The following DIP2B variants were observed in gnomAD, a reference collection of about 807,000 sequenced individuals.
DIP2B encodes the protein disco-interacting protein 2 homolog B.
Under a neutral mutation model 198.0 loss-of-function variants are expected in DIP2B, and 76 were observed. The observed-to-expected ratio is 0.38, with a 90% CI of 0.32 to 0.46. The LOEUF is 0.46. Ranked by LOEUF, DIP2B falls within the 20% of genes least tolerant of loss-of-function variation. DIP2B has a pLI of 0.99. For missense variants in DIP2B, 1,559 were observed against 1,978.4 expected (o/e 0.79, Z 4.02); for synonymous variants, 701 against 739.1 (o/e 0.95, Z 0.84).
intron 1 of DIP2B, among the ~76,000 whole-genome samples, chr12:50,518,139 G>A (rs530102524): frequency 6.6e-6 from 1 of 152,082 alleles, no homozygotes; most frequent in East Asian, 1.9e-4. Flanking sequence ...TTCCCATAAG[G>A]TAGCATTCTG....
At position 50,683,177 on chromosome 12, in the gene DIP2B, A is replaced by G; in HGVS notation, c.1246A>G (p.Met416Val). 6.2e-7 allele frequency: 1 copy of G among 1,612,918 alleles called. No homozygotes were observed. The highest frequency in any genetic ancestry group is 1.1e-5 in the South Asian group (1 of 90,628). The change falls in exon 10 of 38, where the codon ATG becomes GTG. Residue 416 changes from methionine (M) to valine (V), a missense_variant. Physicochemically the swap from Met to Val is conservative, Grantham distance 21. Coordinates refer to ENST00000301180, the MANE Select transcript of DIP2B (RefSeq NM_173602.3). ...CCCCAACAATGATCCAGTCATGTTTATGGTGGCTTTCTATGGATGCCTCCT... is the reference window on the plus strand; with the variant it reads ...CCCCAACAATGATCCAGTCATGTTTGTGGTGGCTTTCTATGGATGCCTCCT... ...VYPNNDPVMF[M>V]VAFYGCLLAE...
Position 50,719,176 on chromosome 12 carries a change from A to G in DIP2B, c.3042+141A>G, listed in dbSNP as rs1158735654. On this transcript the variant is annotated intron_variant, in intron 25 of 37. Coordinates refer to ENST00000301180, the MANE Select transcript of DIP2B (RefSeq NM_173602.3). ...AATGGCTTTCTCCTTGCTTTGGCAT[A>G]TGAGGGTAAACTGTGCAATCACTTT... 5 of 856,816 alleles carry G rather than the reference A, an allele frequency of 5.8e-6. No individual in the cohort carries two copies. The East Asian group carries it at 8.0e-5, about 14-fold the overall frequency. 53.1% of individuals were successfully genotyped at this position (856,816 alleles called of 1,614,324 possible).
intron 2 of DIP2B, among the ~76,000 whole-genome samples, chr12:50,633,753 G>A (rs1165040514): frequency 1.3e-5 from 2 of 152,132 alleles, no homozygotes; most frequent in African/African-American, 4.8e-5. Context: ...TTGACAGAGC[G>A]AGACCCTGTC....
At chr12:50,671,588 C>G (rs1488481407) in intron 5 of DIP2B, among the ~76,000 whole-genome samples, 190 bp downstream of exon 5, 1 of 152,188 alleles carries the variant, frequency 6.6e-6, no homozygotes, top group East Asian at 1.9e-4. Context: ...ATAGATAACA[C>G]CTGCATTATT....
intron 1 of DIP2B, among the ~76,000 whole-genome samples, chr12:50,562,969 A>T (rs1189228998): frequency 2.0e-5 from 3 of 152,206 alleles, no homozygotes; most frequent in Non-Finnish European, 4.4e-5. Flanking sequence ...CCAATATCTC[A>T]GTTGGCTTAG....
chr12:50,589,246 T>C (rs920341413), intron 1 of DIP2B, among the ~76,000 whole-genome samples: 24 of 151,048 alleles, frequency 1.6e-4, no homozygotes, highest in African/African-American at 5.6e-4. Context: ...TTGTTTTTTT[T>C]TTTTTTGAGA....
intron 1 of DIP2B, among the ~76,000 whole-genome samples, chr12:50,520,249 G>T (rs1215004160): frequency 6.6e-6 from 1 of 151,968 alleles, no homozygotes; most frequent in African/African-American, 2.4e-5. Flanking sequence ...TGTTGGCCAG[G>T]CTGGTCTCAA....
intron 1 of DIP2B, among the ~76,000 whole-genome samples, chr12:50,545,002 A>G (rs902988874): frequency 6.6e-6 from 1 of 152,128 alleles, no homozygotes; most frequent in African/African-American, 2.4e-5. Flanking sequence ...AAGATGGGAG[A>G]ATCACTTGAG....
rs1009051543 is a variant in DIP2B, at chr12:50,732,680, T to G, written c.3981+144T>G. 4.9e-6 allele frequency: 5 copies of G among 1,024,998 alleles called. No individual in the cohort carries two copies. In the African/African-American group the frequency reaches 8.0e-5, roughly 16 times the overall value. 63.5% of individuals were successfully genotyped at this position (1,024,998 alleles called of 1,614,324 possible). A position where few individuals can be genotyped will look rare whatever the true frequency, so the allele number is the denominator to read the frequency against. On this transcript the variant is annotated intron_variant, in intron 32 of 37. Coordinates refer to ENST00000301180, the MANE Select transcript of DIP2B (RefSeq NM_173602.3). ...GAACTTCGGGCTTTTAAATCTCGATTTCTTTGTGTCTCATTTTGCTCATCT... is the reference window on the plus strand; with the variant it reads ...GAACTTCGGGCTTTTAAATCTCGATGTCTTTGTGTCTCATTTTGCTCATCT...
intron 1 of DIP2B, among the ~76,000 whole-genome samples, chr12:50,572,112 T>G (rs546215978): frequency 6.6e-6 from 1 of 152,358 alleles, no homozygotes; most frequent in East Asian, 1.9e-4. Context: ...ATATTTGTCT[T>G]CATTCATTTT....
At chr12:50,626,133 C>G (rs947919953) in intron 2 of DIP2B, 86 bp downstream of exon 2, 1 of 1,362,190 alleles carries the variant, frequency 7.3e-7, no homozygotes, top group African/African-American at 1.5e-5. Context: ...TTTGTTTGTT[C>G]CTGTTTTTCC....
In DIP2B at chr12:50,728,429, A is replaced by C. The variant is rs1592145352; in HGVS notation, c.3511-119A>C. ...TCTTAGATTAGGCTTTGAAGCACTA[A>C]AAATTATGCATTGTTTTGAGGAGTT... On this transcript the variant is annotated intron_variant, in intron 29 of 37. Coordinates refer to ENST00000301180, the MANE Select transcript of DIP2B (RefSeq NM_173602.3). 3 of 1,230,132 alleles carry C rather than the reference A, an allele frequency of 2.4e-6. No individual in the cohort carries two copies. In the East Asian group the frequency reaches 7.5e-5, roughly 31 times the overall value. The allele number at this position is 1,230,132 out of a possible 1,614,324, so 76.2% of individuals were successfully genotyped here.
chr12:50,741,480 A>G lies in DIP2B; in HGVS notation c.4419A>G (p.Arg1473=). Residue 1473 remains arginine (R), a synonymous_variant, in exon 37 of 38, where the codon CGA becomes CGG. Transcript: ENST00000301180. ...LDETLELRGL[R]YHPIDIETSV... ...AAACACTGGAGCTGAGAGGATTACG[A>G]TACCACCCAATTGATATTGAGACCT... 1 of 1,614,156 alleles carries G rather than the reference A, an allele frequency of 6.2e-7. No individual in the cohort carries two copies. Among genetic ancestry groups the G allele is most frequent in the South Asian group, 1.1e-5 (1 of 91,082 alleles).
chr12:50,682,711 GCT>G (rs1351485070), intron 9 of DIP2B, among the ~76,000 whole-genome samples: 1 of 151,596 alleles, frequency 6.6e-6, no homozygotes, highest in Non-Finnish European at 1.5e-5. Flanking sequence ...ACAGTTGTAG[GCT>G]CTCTCTGAGA....
chr12:50,667,115 C>T (rs983712591), intron 4 of DIP2B, among the ~76,000 whole-genome samples: 4 of 152,048 alleles, frequency 2.6e-5, no homozygotes, highest in African/African-American at 7.2e-5. Flanking sequence ...GCAGTTCATC[C>T]GCCTCAACCT....
intron 1 of DIP2B, among the ~76,000 whole-genome samples, chr12:50,604,362 A>G (rs1484841707): frequency 6.6e-6 from 1 of 152,202 alleles, no homozygotes; most frequent in Non-Finnish European, 1.5e-5. Context: ...ATATATATGC[A>G]TTACATGCAC....
At chr12:50,731,311 G>C (rs1433103970) in intron 30 of DIP2B, 58 bp from the exon 31 acceptor site, 1 of 1,579,312 alleles carries the variant, frequency 6.3e-7, no homozygotes, top group African/African-American at 1.3e-5. Flanking sequence ...GTGGGGTTCT[G>C]AAGCATCAGG....
rs1215682738 is a variant in DIP2B at position 50,621,498 on chromosome 12, A to G, written c.101-4478A>G. On this transcript the variant is annotated intron_variant, in intron 1 of 37. Coordinates refer to ENST00000301180, the MANE Select transcript of DIP2B (RefSeq NM_173602.3). Reference sequence around the variant, plus strand: ...GATTTATTATTCTCTCACTGCCTCCATTTTATTAATTCATTCAGTCACTTG... The same window carrying G: ...GATTTATTATTCTCTCACTGCCTCCGTTTTATTAATTCATTCAGTCACTTG... Among the ~76,000 whole-genome samples the G allele has an allele frequency of 2.6e-5, 4 of 152,136 alleles. 1 individual carries two copies. Among genetic ancestry groups the G allele is most frequent in the African/African-American group, 9.7e-5 (4 of 41,414 alleles).
chr12:50,515,239 C>CT (rs59468439), intron 1 of DIP2B, among the ~76,000 whole-genome samples: 2,097 of 140,696 alleles, frequency 0.015, 30 homozygotes, highest in African/African-American at 0.039. Context: ...CACTGTGGAC[C>CT]TTTTTTTTTT....
Sources: gnomAD v4.1 joint callset for allele counts (sites outside exome capture counted in the v4.1 genomes callset) on GRCh38, gnomAD v4.1.1 for gene constraint, MANE v1.5 for transcripts, NCBI Gene and HGNC (gene_info 2026-07-23, HGNC 2026-07-21) for gene names.